The following OCA2 variants were observed in gnomAD, a reference collection of about 807,000 sequenced individuals.
The protein encoded by OCA2 is OCA2 melanosomal transmembrane protein.
OCA2 carries 77 observed loss-of-function variants against 100.2 expected under a neutral mutation model. The ratio of observed to expected loss-of-function variants is 0.77; its 90% CI spans 0.64 to 0.93. The LOEUF is 0.93. Among genes scored for constraint, OCA2 ranks in the 40% least tolerant of loss-of-function variants. The pLI, the probability that OCA2 is intolerant of heterozygous loss-of-function variation, is 0.00. For missense variants in OCA2, 1,062 were observed against 1,089.1 expected, an observed-to-expected ratio of 0.98 and a Z score of 0.35; for synonymous variants, 432 against 439.2, an observed-to-expected ratio of 0.98 and a Z score of 0.21.
chr15:27,939,961 G>A (rs2039588589), intron 18 of OCA2, among the ~76,000 whole-genome samples: 1 of 152,210 alleles, frequency 6.6e-6, no homozygotes, highest in Non-Finnish European at 1.5e-5. Flanking sequence ...CACAACTGCA[G>A]TGAGCTGCAT....
chr15:27,736,971 T>G, the OCA2 span, among the ~76,000 whole-genome samples: 1 of 152,236 alleles, frequency 6.6e-6, no homozygotes, highest in Non-Finnish European at 1.5e-5. Flanking sequence ...ACTGTGGGAA[T>G]TATTAATTAA....
intron 2 of OCA2, among the ~76,000 whole-genome samples, chr15:28,063,748 T>G (rs1887596353): frequency 1.3e-5 from 2 of 152,216 alleles, no homozygotes; most frequent in South Asian, 4.1e-4. Context: ...GTTTACACAT[T>G]GTATATCCTT....
chr15:28,008,757 G>C (rs985874693), intron 9 of OCA2, among the ~76,000 whole-genome samples: 13 of 152,352 alleles, frequency 8.5e-5, no homozygotes, highest in African/African-American at 2.9e-4. Context: ...ATTTCAAACA[G>C]AGCAGATGAG....
chr15:28,065,999 T>G (rs2044011847), intron 2 of OCA2, among the ~76,000 whole-genome samples: 1 of 152,188 alleles, frequency 6.6e-6, no homozygotes, highest in South Asian at 2.1e-4. Context: ...GATTATTTAC[T>G]TAGAAAATCC....
the OCA2 span, among the ~76,000 whole-genome samples, chr15:27,739,539 G>A: frequency 1.8e-4 from 26 of 148,460 alleles, no homozygotes; most frequent in South Asian, 1.1e-3. Context: ...TCCACCTCCC[G>A]GGTTCAAGTG....
chr15:27,951,622 G>A (rs1009806900), intron 18 of OCA2, among the ~76,000 whole-genome samples, 162 bp downstream of exon 18: 3 of 152,102 alleles, frequency 2.0e-5, no homozygotes, highest in African/African-American at 4.8e-5. Context: ...AAGGAAAGGC[G>A]CCCTTCTTCC....
At chr15:27,948,695 G>T (rs529061375) in intron 18 of OCA2, among the ~76,000 whole-genome samples, 1 of 152,144 alleles carries the variant, frequency 6.6e-6, no homozygotes, top group East Asian at 1.9e-4. Flanking sequence ...CGAACTCCTG[G>T]GCTCAAGCAA....
intron 19 of OCA2, among the ~76,000 whole-genome samples, chr15:27,882,778 C>T (rs1476293487): frequency 1.3e-5 from 2 of 152,172 alleles, no homozygotes; most frequent in African/African-American, 4.8e-5. Flanking sequence ...ATTCAAATTT[C>T]CTGTGATCAT....
rs184371136 is a variant in OCA2 at position 27,880,824 on chromosome 15, T to C, written c.2080-8902A>G. On this transcript the variant is annotated intron_variant, in intron 19 of 23. Transcript: ENST00000354638. ...TGCAAACAGAGACAGTTTGACTTCC[T>C]CTCTTCCTATTTGAATACACCTTTC... Among the ~76,000 whole-genome samples the C allele has an allele frequency of 2.6e-5, 4 of 152,328 alleles. No homozygotes were observed. The East Asian group carries it at 7.7e-4, about 29-fold the overall frequency.
downstream of OCA2, among the ~76,000 whole-genome samples, chr15:27,754,384 C>A (rs905489575): frequency 6.6e-6 from 1 of 152,190 alleles, no homozygotes; most frequent in Non-Finnish European, 1.5e-5. Context: ...AAGTCAGACG[C>A]TTGACACACA....
chr15:27,809,527 A>T (rs1031405317), intron 23 of OCA2, among the ~76,000 whole-genome samples: 4 of 152,226 alleles, frequency 2.6e-5, no homozygotes, highest in African/African-American at 9.6e-5. Context: ...CAGAGCAATC[A>T]GGCAAGAGAA....
At chr15:27,935,252 C>T (rs563048899) in intron 18 of OCA2, among the ~76,000 whole-genome samples, 1 of 152,296 alleles carries the variant, frequency 6.6e-6, no homozygotes, top group East Asian at 1.9e-4. Context: ...CGTGACCTGT[C>T]TTTATCCTGT....
intron 18 of OCA2, among the ~76,000 whole-genome samples, chr15:27,946,540 A>C (rs989599441): frequency 9.2e-5 from 14 of 152,170 alleles, no homozygotes; most frequent in African/African-American, 3.4e-4. Context: ...TTTTTTGTCT[A>C]TAAGTTTGTT....
rs1185156907 is a variant in OCA2, at chr15:28,018,499, G to A, written c.705C>T (p.Ala235=). Residue 235 remains alanine, a synonymous_variant, in exon 7 of 24, where the codon GCC becomes GCT. Transcript: ENST00000354638. Reference sequence around the variant, plus strand: ...GACGACTCGGCCCACTGGCCACTAGGGCCCCTGCCAGGTCCACCTGCAGCA... The same window carrying A: ...GACGACTCGGCCCACTGGCCACTAGAGCCCCTGCCAGGTCCACCTGCAGCA... ...STLLQVDLAG[A]LVASGPSRPG... 5 of 1,613,760 alleles carry A rather than the reference G, an allele frequency of 3.1e-6. No homozygotes were observed. The highest frequency in any genetic ancestry group is 3.4e-6 in the Non-Finnish European group (4 of 1,179,942).
At chr15:27,952,747 C>T (rs1193087005) in intron 17 of OCA2, among the ~76,000 whole-genome samples, 1 of 152,068 alleles carries the variant, frequency 6.6e-6, no homozygotes, top group African/African-American at 2.4e-5. Flanking sequence ...GGCACAGTCT[C>T]AGCTCAACGC....
At chr15:28,049,975 A>G (rs1259980712) in intron 2 of OCA2, among the ~76,000 whole-genome samples, 1 of 152,218 alleles carries the variant, frequency 6.6e-6, no homozygotes, top group East Asian at 1.9e-4. Flanking sequence ...TTTTTTCCAC[A>G]CTAAAAATAA....
intron 23 of OCA2, among the ~76,000 whole-genome samples, chr15:27,837,455 A>G (rs1473457500): frequency 6.6e-6 from 1 of 152,172 alleles, no homozygotes; most frequent in Non-Finnish European, 1.5e-5. Flanking sequence ...TAAACTCCAC[A>G]TTATTACTTG....
the OCA2 span, among the ~76,000 whole-genome samples, chr15:27,724,593 C>T: frequency 1.3e-5 from 2 of 152,124 alleles, no homozygotes; most frequent in Admixed American, 6.5e-5. Context: ...ACCCCAGGGG[C>T]TTCATGCGAA....
chr15:27,794,375 C>T (rs1031233289), intron 23 of OCA2, among the ~76,000 whole-genome samples: 13 of 152,136 alleles, frequency 8.5e-5, no homozygotes, highest in African/African-American at 2.9e-4. Flanking sequence ...CCAGGAAGAA[C>T]GGGCCGTGGA....
Sources: allele counts gnomAD v4.1 joint callset (sites outside exome capture counted in the v4.1 genomes callset), GRCh38; gene constraint gnomAD v4.1.1; transcripts MANE v1.5; gene names NCBI Gene and HGNC (gene_info 2026-07-23, HGNC 2026-07-21).